RGL1: variants seen among roughly 807,000 people sequenced by gnomAD.
RGL1 encodes ral guanine nucleotide dissociation stimulator-like 1.
In RGL1, 24 loss-of-function variants were observed where a neutral mutation model predicts 95.2. That is an observed-to-expected ratio of 0.25 (90% CI 0.18 to 0.35). The LOEUF (loss-of-function observed/expected upper bound fraction) is 0.35, where lower values mean the gene tolerates loss of function less well. RGL1 is among the 10% of genes least tolerant of loss of function. The pLI is 1.00. For missense variants in RGL1, 715 were observed against 936.3 expected (o/e 0.76, Z 3.08); for synonymous variants, 329 against 344.9 (o/e 0.95, Z 0.51).
At chr1:183,658,468 T>C (rs1651354558) in intron 1 of RGL1, among the ~76,000 whole-genome samples, 1 of 152,032 alleles carries the variant, frequency 6.6e-6, no homozygotes, top group South Asian at 2.1e-4. Flanking sequence ...AGCACAGCAG[T>C]CTGAGATCAA....
At chr1:183,776,293 C>T (rs191566428) in intron 2 of RGL1, among the ~76,000 whole-genome samples, 21 of 151,422 alleles carry the variant, frequency 1.4e-4, no homozygotes, top group South Asian at 8.4e-4. Context: ...GGACTACAGG[C>T]GCCCGCTACC....
At chr1:183,730,759 C>T (rs1368645898) in intron 1 of RGL1, among the ~76,000 whole-genome samples, 1 of 152,152 alleles carries the variant, frequency 6.6e-6, no homozygotes, top group African/African-American at 2.4e-5. Context: ...AATCAACCTT[C>T]ACCCAGGCAG....
At chr1:183,727,496 G>T (rs1656378224) in intron 1 of RGL1, among the ~76,000 whole-genome samples, 1 of 152,118 alleles carries the variant, frequency 6.6e-6, no homozygotes, top group Non-Finnish European at 1.5e-5. Context: ...TAAAAAACCT[G>T]TTGCTGACTT....
intron 2 of RGL1, among the ~76,000 whole-genome samples, chr1:183,773,899 G>A (rs1457472417): frequency 1.3e-5 from 2 of 152,026 alleles, no homozygotes; most frequent in African/African-American, 4.8e-5. Context: ...ACTGTATCAA[G>A]GTGGGAGGGG....
intron 1 of RGL1, among the ~76,000 whole-genome samples, chr1:183,688,738 G>A (rs1444221918): frequency 1.3e-5 from 2 of 152,110 alleles, no homozygotes; most frequent in African/African-American, 4.8e-5. Flanking sequence ...CCAGATATTG[G>A]AAGGTATGTT....
chr1:183,659,986 A>C (rs985635315), intron 1 of RGL1, among the ~76,000 whole-genome samples: 16 of 151,630 alleles, frequency 1.1e-4, no homozygotes, highest in African/African-American at 2.4e-4. Context: ...GAAATAAAAT[A>C]CTTTACAGAC....
At chr1:183,678,431 T>C (rs1415374690) in intron 1 of RGL1, among the ~76,000 whole-genome samples, 1 of 152,222 alleles carries the variant, frequency 6.6e-6, no homozygotes, top group Non-Finnish European at 1.5e-5. Context: ...ACGTTAAAAA[T>C]ATTACTTCTG....
intron 2 of RGL1, among the ~76,000 whole-genome samples, chr1:183,744,953 T>C (rs1657531793): frequency 6.6e-6 from 1 of 152,220 alleles, no homozygotes; most frequent in Admixed American, 6.5e-5. Context: ...TAGATATTAC[T>C]AGATCAGCTC....
chr1:183,831,984 A>G (rs902454815), intron 2 of RGL1, among the ~76,000 whole-genome samples: 5 of 152,230 alleles, frequency 3.3e-5, no homozygotes, highest in Admixed American at 6.5e-5. Context: ...GAATTGGTGA[A>G]TTATAGGATA....
intron 3 of RGL1, among the ~76,000 whole-genome samples, chr1:183,849,483 G>GTTTTTTTTTTTTTTTTTTTTTTTT (rs1418103960): frequency 4.1e-5 from 5 of 120,850 alleles, no homozygotes; most frequent in African/African-American, 3.2e-5. Flanking sequence ...CCAGTTTTTA[G>GTTTTTTTTTTTTTTTTTTTTTTTT]TTTTTTTTTT....
chr1:183,643,310 T>TTTA (rs1650063667), intron 1 of RGL1, among the ~76,000 whole-genome samples: 1 of 123,138 alleles, frequency 8.1e-6, no homozygotes, highest in Non-Finnish European at 1.7e-5. Flanking sequence ...TTATTTATTT[T>TTTA]GAGACGGGGT....
intron 1 of RGL1, among the ~76,000 whole-genome samples, chr1:183,686,053 A>G (rs1245474029): frequency 6.6e-6 from 1 of 152,216 alleles, no homozygotes; most frequent in East Asian, 1.9e-4. Context: ...TTAGTAATCC[A>G]TTGGTAATTC....
At position 183,883,813 on chromosome 1, in the gene RGL1, G is replaced by T; in HGVS notation, c.638G>T (p.Ser213Ile). The T allele has an allele frequency of 1.2e-6, 2 of 1,614,106 alleles. No individual in the cohort carries two copies. The highest frequency in any genetic ancestry group is 1.7e-6 in the Non-Finnish European group (2 of 1,179,926). Residue 213 changes from serine to isoleucine, a missense_variant, in exon 6 of 18, where the codon AGC becomes ATC. Ser to Ile is a moderately radical substitution (Grantham distance 142). This residue lies in a region of RGL1 where 381 missense variants were observed against 484.8 expected (regional missense o/e 0.79). Transcript: ENST00000360851. ...GGGCTTCCCAACACGATCTCCTTCA[G>T]CCTGGAAGAGGAAGAGGAACTGGAG... is the stretch of plus-strand genomic sequence containing the variant. Reference protein sequence around the residue: ...DNGLPNTISFSLEEEEELEGG... With the variant: ...DNGLPNTISFILEEEEELEGG...
At chr1:183,706,281 C>T (rs1176216553) in intron 1 of RGL1, among the ~76,000 whole-genome samples, 1 of 152,106 alleles carries the variant, frequency 6.6e-6, no homozygotes, top group Non-Finnish European at 1.5e-5. Context: ...GGTTTGGAGA[C>T]TTGTCCATCA....
chr1:183,770,599 G>T (rs1029007113), intron 2 of RGL1, among the ~76,000 whole-genome samples: 1 of 152,164 alleles, frequency 6.6e-6, no homozygotes, highest in Non-Finnish European at 1.5e-5. Flanking sequence ...AAAATTAGGG[G>T]TTTATGTGGC....
chr1:183,648,610 T>A, intron 1 of RGL1: 1 of 1,614,200 alleles, frequency 6.2e-7, no homozygotes, highest in Non-Finnish European at 8.5e-7. Flanking sequence ...GGAAATGTTG[T>A]CCCATAAGGG....
chr1:183,636,196 C>T (rs1330761800), exon 1 of RGL1: 1 of 399,196 alleles, frequency 2.5e-6, no homozygotes, highest in Admixed American at 4.4e-5. Context: ...TGCGTAAGGT[C>T]CGGCTGGCTG....
chr1:183,717,562 AT>A (rs1300617499), intron 1 of RGL1, among the ~76,000 whole-genome samples: 6 of 152,210 alleles, frequency 3.9e-5, no homozygotes, highest in African/African-American at 1.4e-4. Context: ...CTTAAAAAAT[AT>A]TTTTTATTTA....
At chr1:183,668,282 T>TCCTGTCTGAGGAAAGAGAAA (rs1572250502) in intron 1 of RGL1, among the ~76,000 whole-genome samples, 1 of 152,176 alleles carries the variant, frequency 6.6e-6, no homozygotes, top group Admixed American at 6.5e-5. Context: ...GAGGAAGTAT[T>TCCTGTCTGAGGAAAGAGAAA]TCTCTTTCAC....
Sources: gnomAD v4.1 joint callset for allele counts (sites outside exome capture counted in the v4.1 genomes callset) on GRCh38, gnomAD v4.1.1 for gene constraint, gnomAD v4.1.1 regional missense constraint, MANE v1.5 for transcripts, NCBI Gene and HGNC (gene_info 2026-07-23, HGNC 2026-07-21) for gene names.